The following PLEKHG1 variants were observed in gnomAD, a reference collection of about 807,000 sequenced individuals.
The protein encoded by PLEKHG1 is pleckstrin homology domain-containing family G member 1.
A neutral mutation model predicts 100.8 loss-of-function variants in PLEKHG1; 44 were observed. That is an observed-to-expected ratio of 0.44 (90% CI 0.34 to 0.56). The LOEUF is 0.56. Among genes scored for constraint, PLEKHG1 ranks in the 20% least tolerant of loss-of-function variants. PLEKHG1 has a pLI of 0.01. For missense variants in PLEKHG1, 1,545 were observed against 1,720.9 expected (o/e 0.90, Z 1.81); for synonymous variants, 640 against 662.5 (o/e 0.97, Z 0.52).
intron 6 of PLEKHG1, 41 bp downstream of exon 7, chr6:150,800,910 AGT>A (rs746347319): frequency 6.4e-7 from 1 of 1,565,702 alleles, no homozygotes; most frequent in Non-Finnish European, 8.8e-7. Context: ...AGGGGATGGG[AGT>A]TTTGTGTGTA....
At position 150,744,317 on chromosome 6, in the gene PLEKHG1, G is replaced by C. The variant is rs1002000486; in HGVS notation, c.411+10225G>C. ...TCTCAATCTCCTAACCTCGTGATCT[G>C]CCTGCCTCGGCCTCCCAAAGTGTTG... is the stretch of plus-strand genomic sequence containing the variant. On this transcript the variant is annotated intron_variant, in intron 2 of 15. Transcript: ENST00000358517. Among the ~76,000 whole-genome samples the C allele has an allele frequency of 6.0e-4, 91 of 152,180 alleles. 1 individual carries two copies. Among genetic ancestry groups the C allele is most frequent in the South Asian group, 6.2e-4 (3 of 4,828 alleles).
intron 3 of PLEKHG1, among the ~76,000 whole-genome samples, chr6:150,671,556 C>G (rs1020710949): frequency 6.6e-6 from 1 of 152,188 alleles, no homozygotes; most frequent in South Asian, 2.1e-4. Context: ...ACTCCATATG[C>G]CGGGCACTGT....
upstream of PLEKHG1, among the ~76,000 whole-genome samples, chr6:150,717,684 C>T (rs1160804578): frequency 5.9e-5 from 9 of 152,238 alleles, no homozygotes; most frequent in Admixed American, 5.9e-4. Context: ...GTAACCCGTG[C>T]TTGCAGGGAG....
At chr6:150,709,707 T>C (rs1406823903) in intron 3 of PLEKHG1, among the ~76,000 whole-genome samples, 1 of 152,236 alleles carries the variant, frequency 6.6e-6, no homozygotes, top group Admixed American at 6.5e-5. Context: ...CTTGTGTCCT[T>C]TCCACACATC....
chr6:150,701,420 TATATATATATATATATATATATATA>T (rs1780771206), intron 3 of PLEKHG1, among the ~76,000 whole-genome samples: 1 of 16,692 alleles, frequency 6.0e-5, no homozygotes, highest in Non-Finnish European at 1.0e-4. Context: ...TAATTCTTTA[TATATATATATATATATATATATATA>T]TATATATATA....
At chr6:150,833,792 C>T (rs1002324999) in intron 15 of PLEKHG1, among the ~76,000 whole-genome samples, 2 of 152,154 alleles carry the variant, frequency 1.3e-5, no homozygotes, top group Admixed American at 6.6e-5. Context: ...TGAGAGGAGT[C>T]TATTCTACAA....
chr6:150,788,243 G>A (rs1350905278), intron 4 of PLEKHG1, among the ~76,000 whole-genome samples: 1 of 152,270 alleles, frequency 6.6e-6, no homozygotes, highest in Non-Finnish European at 1.5e-5. Flanking sequence ...GGAATCCTGA[G>A]GGAGTGCTGG....
intron 3 of PLEKHG1, among the ~76,000 whole-genome samples, chr6:150,698,423 TGTTA>T (rs1310669695): frequency 2.0e-5 from 3 of 152,180 alleles, no homozygotes; most frequent in Non-Finnish European, 4.4e-5. Flanking sequence ...ATGACAATTT[TGTTA>T]GTTAAGGAAG....
chr6:150,733,366 T>C (rs1373792954), intron 1 of PLEKHG1, among the ~76,000 whole-genome samples: 1 of 152,132 alleles, frequency 6.6e-6, no homozygotes. Flanking sequence ...CAGGTCGAGG[T>C]CAGAGCCCGA....
At chr6:150,774,195 T>G (rs1468809588) in intron 3 of PLEKHG1, among the ~76,000 whole-genome samples, 1 of 152,252 alleles carries the variant, frequency 6.6e-6, no homozygotes. Context: ...TTTTCATGTC[T>G]TATTGCTTTG....
intron 3 of PLEKHG1, among the ~76,000 whole-genome samples, chr6:150,665,797 G>C (rs1300540478): frequency 6.6e-6 from 1 of 151,958 alleles, no homozygotes; most frequent in East Asian, 1.9e-4. Context: ...GCTGCTTCTG[G>C]CATTTGTCCC....
intron 3 of PLEKHG1, among the ~76,000 whole-genome samples, chr6:150,782,893 G>C (rs1433252812): frequency 1.3e-5 from 2 of 152,068 alleles, no homozygotes; most frequent in Non-Finnish European, 2.9e-5. Context: ...AAGATACTCA[G>C]AATTTGAGAA....
At chr6:150,685,788 T>C (rs7738394) in intron 3 of PLEKHG1, among the ~76,000 whole-genome samples, 57,412 of 152,026 alleles carry the variant, frequency 0.38, 11,661 homozygotes, top group African/African-American at 0.54. Context: ...GGAATTTGCC[T>C]ACCTCCTGCA....
At chr6:150,635,785 CTG>C (rs1423800621) in intron 1 of PLEKHG1, among the ~76,000 whole-genome samples, 5 of 152,012 alleles carry the variant, frequency 3.3e-5, no homozygotes, top group Non-Finnish European at 5.9e-5. Flanking sequence ...TTTTAAAACA[CTG>C]TGTATCTTAA....
At position 150,645,862 on chromosome 6, in the gene PLEKHG1, C is replaced by T. The variant is rs547319070; in HGVS notation, c.-157-4866C>T. Among the ~76,000 whole-genome samples, 7 of 152,266 alleles carry T rather than the reference C, an allele frequency of 4.6e-5. No homozygotes were observed. The East Asian group carries it at 1.3e-3, about 29-fold the overall frequency. ...TAAAGTTCACCATGTGTATGATGAA[C>T]AGCCTAACACTTTCAATTCAGATAA... On this transcript the variant is annotated intron_variant, in intron 2 of 3. Transcript: ENST00000367326.
intron 15 of PLEKHG1, among the ~76,000 whole-genome samples, chr6:150,834,345 C>G (rs1373522669): frequency 2.6e-5 from 4 of 152,150 alleles, no homozygotes; most frequent in Non-Finnish European, 4.4e-5. Context: ...GCCTTAGAAA[C>G]AGTTGTATAT....
At chr6:150,647,451 A>G (rs1004191062) in intron 2 of PLEKHG1, among the ~76,000 whole-genome samples, 1 of 152,178 alleles carries the variant, frequency 6.6e-6, no homozygotes, top group African/African-American at 2.4e-5. Context: ...CCTTTTTACA[A>G]AATCAACCCT....
chr6:150,705,147 G>A (rs1236584408), intron 3 of PLEKHG1, among the ~76,000 whole-genome samples: 1 of 152,186 alleles, frequency 6.6e-6, no homozygotes, highest in East Asian at 1.9e-4. Flanking sequence ...GGTTTAGGGT[G>A]TGTACTAACA....
intron 1 of PLEKHG1, among the ~76,000 whole-genome samples, chr6:150,623,642 C>T (rs952948256): frequency 2.0e-5 from 3 of 152,238 alleles, no homozygotes; most frequent in Admixed American, 1.3e-4. Flanking sequence ...TCAGGCCCCC[C>T]ACGTGTGCAC....
Sources: gnomAD v4.1 joint callset for allele counts (sites outside exome capture counted in the v4.1 genomes callset) on GRCh38, gnomAD v4.1.1 for gene constraint, MANE v1.5 for transcripts, NCBI Gene and HGNC (gene_info 2026-07-23, HGNC 2026-07-21) for gene names.